AGK: variants seen among roughly 807,000 people sequenced by gnomAD.
AGK encodes acylglycerol kinase, mitochondrial.
AGK carries 52 observed loss-of-function variants against 66.4 expected under a neutral mutation model. The observed-to-expected ratio is 0.78, with a 90% CI of 0.63 to 0.99. The LOEUF (loss-of-function observed/expected upper bound fraction) is 0.99. Ranked by LOEUF, AGK falls within the 50% of genes least tolerant of loss-of-function variation. AGK has a pLI of 0.00. For missense variants in AGK, 451 were observed against 506.6 expected (o/e 0.89, Z 1.05); for synonymous variants, 182 against 181.1 (o/e 1.00, Z -0.04).
Position 141,636,977 on chromosome 7 carries a change from C to A in AGK, c.686C>A (p.Pro229His), listed in dbSNP as rs1423746191. ...TTTCACAGGTACTGGTATCTTGGGC[C>A]TCTAAAAATCAAAGCAGCCCACTTT... ...VKVSKYWYLG[P>H]LKIKAAHFFS... Residue 229 changes from proline to histidine, a missense_variant, in exon 11 of 16, where the codon CCT (proline) becomes CAT (histidine). Pro to His is a moderately conservative substitution (Grantham distance 77). Coordinates refer to ENST00000649286, the MANE Select transcript of AGK (RefSeq NM_018238.4). The A allele has an allele frequency of 6.2e-6, 10 of 1,612,116 alleles. No homozygotes were observed. The highest frequency in any genetic ancestry group is 8.5e-6 in the Non-Finnish European group (10 of 1,178,974).
At chr7:141,624,564 A>G (rs2116980822) in intron 9 of AGK, among the ~76,000 whole-genome samples, 3 of 152,328 alleles carry the variant, frequency 2.0e-5, no homozygotes, top group Middle Eastern at 3.4e-3. Flanking sequence ...TCAAGATTTC[A>G]GTGGAGGAAG....
intron 10 of AGK, among the ~76,000 whole-genome samples, chr7:141,636,686 GA>G (rs1394076215): frequency 6.6e-6 from 1 of 152,136 alleles, no homozygotes; most frequent in Non-Finnish European, 1.5e-5. Context: ...AGGATGTTGT[GA>G]ATTTAGTGAC....
intron 2 of AGK, among the ~76,000 whole-genome samples, chr7:141,562,530 C>T (rs1232962701): frequency 2.0e-5 from 3 of 152,052 alleles, no homozygotes; most frequent in African/African-American, 7.2e-5. Context: ...CTTGCTGTGA[C>T]CACAGTAGGG....
At chr7:141,628,614 C>T (rs866777712) in intron 9 of AGK, among the ~76,000 whole-genome samples, 1 of 152,148 alleles carries the variant, frequency 6.6e-6, no homozygotes, top group Admixed American at 6.5e-5. Context: ...TTAGATTGTT[C>T]AATCTGTGTT....
intron 2 of AGK, among the ~76,000 whole-genome samples, chr7:141,579,708 A>G (rs565444530): frequency 4.6e-5 from 7 of 152,078 alleles, no homozygotes; most frequent in African/African-American, 1.7e-4. Flanking sequence ...CCATGATGGA[A>G]AGGAAATGAG....
At chr7:141,628,017 G>C (rs1195096383) in intron 9 of AGK, among the ~76,000 whole-genome samples, 1 of 152,148 alleles carries the variant, frequency 6.6e-6, no homozygotes, top group African/African-American at 2.4e-5. Context: ...GAGTAACTGG[G>C]ACTACAGGCG....
chr7:141,559,688 A>G (rs974855756), intron 2 of AGK, among the ~76,000 whole-genome samples: 3 of 152,154 alleles, frequency 2.0e-5, no homozygotes, highest in African/African-American at 7.2e-5. Flanking sequence ...TGTTTTGTAG[A>G]ATAGACATTT....
intron 2 of AGK, among the ~76,000 whole-genome samples, chr7:141,583,114 A>G (rs1408807851): frequency 6.6e-6 from 1 of 151,890 alleles, no homozygotes; most frequent in Non-Finnish European, 1.5e-5. Flanking sequence ...ATCTTGCGGG[A>G]TGGAGAAATT....
Position 141,641,355 on chromosome 7 carries a change from A to G in AGK, c.834A>G (p.Arg278=). ...TPVQRPSLYR[R]ILRRLASYWA... ...TACAAAGGCCTTCTTTGTACAGGAG[A>G]ATATTACGAAGGCTTGCGTCCTACT... The change falls in exon 12 of 16, where the codon AGA becomes AGG. Residue 278 remains arginine (R), a synonymous_variant. Transcript: ENST00000649286. The G allele has an allele frequency of 6.2e-7, 1 of 1,613,380 alleles. No homozygotes were observed. The highest frequency in any genetic ancestry group is 1.1e-5 in the South Asian group (1 of 90,924).
chr7:141,561,606 A>G (rs1795353424), intron 2 of AGK, among the ~76,000 whole-genome samples: 1 of 151,002 alleles, frequency 6.6e-6, no homozygotes, highest in Non-Finnish European at 1.5e-5. Flanking sequence ...CCACTTTTTG[A>G]TGGAATTATT....
intron 2 of AGK, among the ~76,000 whole-genome samples, chr7:141,570,613 A>T: frequency 6.6e-6 from 1 of 151,706 alleles, no homozygotes. Context: ...ATTTTGTTTC[A>T]TCTATGTCCT....
At chr7:141,553,424 AC>A (rs1232907741) in intron 1 of AGK, among the ~76,000 whole-genome samples, 1 of 151,738 alleles carries the variant, frequency 6.6e-6, no homozygotes, top group East Asian at 1.9e-4. Context: ...ACTGTGCACC[AC>A]CCCCTCAGCC....
chr7:141,562,544 G>A (rs754146789), intron 2 of AGK, among the ~76,000 whole-genome samples: 24 of 152,174 alleles, frequency 1.6e-4, no homozygotes, highest in Non-Finnish European at 5.9e-5. Context: ...AGTAGGGTAT[G>A]GGGAGGTGGT....
intron 5 of AGK, among the ~76,000 whole-genome samples, chr7:141,605,145 A>T (rs1796429577): frequency 6.6e-6 from 1 of 152,132 alleles, no homozygotes; most frequent in Admixed American, 6.5e-5. Flanking sequence ...GATTTTTCAG[A>T]TTATCCAGGT....
At chr7:141,643,095 TAG>T (rs985399925) in intron 13 of AGK, among the ~76,000 whole-genome samples, 16 of 152,180 alleles carry the variant, frequency 1.1e-4, no homozygotes, top group African/African-American at 2.4e-4. Context: ...CCAATATTAA[TAG>T]AGTGATAAGT....
chr7:141,651,917 T>C (rs1336280295), intron 15 of AGK, among the ~76,000 whole-genome samples: 2 of 152,250 alleles, frequency 1.3e-5, no homozygotes, highest in African/African-American at 4.8e-5. Context: ...AGAAGGTTAC[T>C]ACATTAAGAC....
At chr7:141,600,231 A>G (rs1474414945) in intron 4 of AGK, among the ~76,000 whole-genome samples, 1 of 152,060 alleles carries the variant, frequency 6.6e-6, no homozygotes, top group Non-Finnish European at 1.5e-5. Context: ...TCCTTATGTA[A>G]TAGTTGAAAT....
At position 141,654,400 on chromosome 7, in the gene AGK, G is replaced by C. The variant is rs778290673; in HGVS notation, c.*1476G>C. ...CATAAATTCGATGGAATAGAATTAC[G>C]TTAACAATGTTTTTACAGTTCTTTG... On this transcript the variant is annotated 3_prime_UTR_variant, in exon 16 of 16. Coordinates refer to ENST00000649286, the MANE Select transcript of AGK (RefSeq NM_018238.4). The C allele has an allele frequency of 6.6e-6, 1 of 152,150 alleles. No homozygotes were observed. The highest frequency in any genetic ancestry group is 1.5e-5 in the Non-Finnish European group (1 of 68,032). The allele number at this position is 152,150 out of a possible 1,614,324, so 9.4% of individuals were successfully genotyped here. A position where few individuals can be genotyped will look rare whatever the true frequency, so the allele number is the denominator to read the frequency against.
At chr7:141,631,670 T>A (rs1248822631) in intron 9 of AGK, among the ~76,000 whole-genome samples, 1 of 152,138 alleles carries the variant, frequency 6.6e-6, no homozygotes, top group African/African-American at 2.4e-5. Context: ...CTCAAATTCT[T>A]ATCATTCCCT....
Sources: allele counts gnomAD v4.1 joint callset (sites outside exome capture counted in the v4.1 genomes callset), GRCh38; gene constraint gnomAD v4.1.1; transcripts MANE v1.5; gene names NCBI Gene and HGNC (gene_info 2026-07-23, HGNC 2026-07-21).